Variants in CTTNBP2NL observed in about 807,000 individuals in gnomAD.
CTTNBP2NL encodes the protein CTTNBP2 N-terminal-like protein.
In CTTNBP2NL, 16 loss-of-function variants were observed where a neutral mutation model predicts 32.5. That is an observed-to-expected ratio of 0.49 (90% CI 0.33 to 0.75). The LOEUF (loss-of-function observed/expected upper bound fraction) is 0.75, where lower values mean the gene tolerates loss of function less well. CTTNBP2NL is among the 30% of genes least tolerant of loss of function. The pLI, the probability that CTTNBP2NL is intolerant of heterozygous loss-of-function variation, is 0.02. For missense variants in CTTNBP2NL, 645 were observed against 756.0 expected (o/e 0.85, Z 1.72); for synonymous variants, 298 against 289.4 (o/e 1.03, Z -0.30).
intron 3 of CTTNBP2NL, among the ~76,000 whole-genome samples, chr1:112,425,782 G>A (rs960804587): frequency 1.3e-5 from 2 of 151,952 alleles, no homozygotes; most frequent in Non-Finnish European, 1.5e-5. Context: ...AGACTTGATC[G>A]AATTAATGAG....
intron 4 of CTTNBP2NL, among the ~76,000 whole-genome samples, chr1:112,450,813 C>G (rs1650194947): frequency 7.0e-6 from 1 of 143,776 alleles, no homozygotes; most frequent in Non-Finnish European, 1.5e-5. Flanking sequence ...GTCACCCAGG[C>G]TGGAGTGCAG....
At chr1:112,448,312 A>G (rs1650115158) in intron 3 of CTTNBP2NL, among the ~76,000 whole-genome samples, 1 of 152,220 alleles carries the variant, frequency 6.6e-6, no homozygotes, top group South Asian at 2.1e-4. Flanking sequence ...TCAACAACTG[A>G]GTAATGGTTC....
At chr1:112,434,554 A>T (rs113422978) in intron 3 of CTTNBP2NL, among the ~76,000 whole-genome samples, 3 of 152,098 alleles carry the variant, frequency 2.0e-5, no homozygotes, top group Non-Finnish European at 4.4e-5. Context: ...TACTCATCTT[A>T]TATCCTAGAT....
At chr1:112,399,588 G>A (rs185559888) in intron 1 of CTTNBP2NL, among the ~76,000 whole-genome samples, 20 of 152,152 alleles carry the variant, frequency 1.3e-4, no homozygotes, top group African/African-American at 3.6e-4. Context: ...GATTTGCAGC[G>A]TAGGATTTGA....
At chr1:112,443,439 C>A (rs1019200167) in intron 3 of CTTNBP2NL, among the ~76,000 whole-genome samples, 19 of 152,302 alleles carry the variant, frequency 1.2e-4, no homozygotes, top group Non-Finnish European at 2.6e-4. Context: ...GTCTTGAACT[C>A]CTCACCTGAA....
chr1:112,439,541 A>G (rs1400615087), intron 3 of CTTNBP2NL, among the ~76,000 whole-genome samples: 1 of 152,164 alleles, frequency 6.6e-6, no homozygotes, highest in Non-Finnish European at 1.5e-5. Flanking sequence ...ATATCCTTTC[A>G]CATCTTGTTT....
chr1:112,450,893 G>A (rs1650196382), intron 4 of CTTNBP2NL, among the ~76,000 whole-genome samples: 2 of 151,006 alleles, frequency 1.3e-5, no homozygotes, highest in Non-Finnish European at 2.9e-5. Flanking sequence ...CAAAGTAGAA[G>A]ACTGACTTTG....
At chr1:112,450,819 TG>T (rs1184662202) in intron 4 of CTTNBP2NL, among the ~76,000 whole-genome samples, 2 of 147,112 alleles carry the variant, frequency 1.4e-5, no homozygotes, top group Non-Finnish European at 1.5e-5. Context: ...CAGGCTGGAG[TG>T]CAGTGGTACA....
rs529090796 is a variant in CTTNBP2NL at position 112,410,703 on chromosome 1, G to C, written c.-133-1491G>C. ...TTGGAAGGAATTAGCTGAGCATTTA[G>C]TTGAAATGATCTTGCTCTTCGGAGT... On this transcript the variant is annotated intron_variant, in intron 1 of 5. Coordinates refer to ENST00000271277, the MANE Select transcript of CTTNBP2NL (RefSeq NM_018704.3). Among the ~76,000 whole-genome samples, 95 of 152,318 alleles carry C rather than the reference G, an allele frequency of 6.2e-4. 1 individual carries two copies. In the Middle Eastern group the frequency reaches 0.01, roughly 16 times the overall value.
intron 1 of CTTNBP2NL, among the ~76,000 whole-genome samples, chr1:112,401,769 C>A (rs957740706): frequency 6.6e-6 from 1 of 152,076 alleles, no homozygotes; most frequent in African/African-American, 2.4e-5. Context: ...TAATGCAATG[C>A]GCTGTAATAT....
chr1:112,411,738 A>C (rs1271662205), intron 1 of CTTNBP2NL, among the ~76,000 whole-genome samples: 1 of 150,736 alleles, frequency 6.6e-6, no homozygotes, highest in Non-Finnish European at 1.5e-5. Context: ...GCTGGAGTGC[A>C]GTGGCACAAT....
At chr1:112,437,776 G>A (rs1425315811) in intron 3 of CTTNBP2NL, among the ~76,000 whole-genome samples, 1 of 152,172 alleles carries the variant, frequency 6.6e-6, no homozygotes, top group East Asian at 1.9e-4. Flanking sequence ...GCCTGCCTCA[G>A]CCTCCCAAAG....
Position 112,457,175 on chromosome 1 carries a change from CCT to C in CTTNBP2NL, c.1684_1685del (p.Leu562ValfsTer13), listed in dbSNP as rs765076412. 2 of 1,614,190 alleles carry C rather than the reference CCT, an allele frequency of 1.2e-6. No homozygotes were observed. The highest frequency in any genetic ancestry group is 1.7e-6 in the Non-Finnish European group (2 of 1,180,032). On this transcript the variant is annotated frameshift_variant, in exon 6 of 6. Transcript: ENST00000271277. LOFTEE classifies it high-confidence loss of function. ...GGAAAGTGTCCAGTCCCCTGAGCCC[CCT>C]GTCTCCAGGAATCAAGTCCCCAACC... ...PGKVSSPLSP[L>X]SPGIKSPTIP... is the part of the protein sequence containing the mutation.
chr1:112,424,522 A>T (rs1415926323), intron 3 of CTTNBP2NL, among the ~76,000 whole-genome samples: 1 of 152,168 alleles, frequency 6.6e-6, no homozygotes, highest in Non-Finnish European at 1.5e-5. Flanking sequence ...GCATTTCCAT[A>T]TGAATAGAAT....
chr1:112,452,697 A>G (rs1650259915), intron 4 of CTTNBP2NL, among the ~76,000 whole-genome samples: 1 of 148,762 alleles, frequency 6.7e-6, no homozygotes, highest in Non-Finnish European at 1.5e-5. Flanking sequence ...CTGGAGTGCA[A>G]CGGCATAATC....
rs749088128 is a variant in CTTNBP2NL, at chr1:112,449,176, G to C, written c.330+4G>C. ...TGCTGAGAGCAGGCACCGAAAGGTA[G>C]GTTCACCTCAGTTGATGTGTAAATC... On this transcript the variant is annotated splice_donor_region_variant and intron_variant, in intron 4 of 5. Coordinates refer to ENST00000271277, the MANE Select transcript of CTTNBP2NL (RefSeq NM_018704.3). 7.7e-6 allele frequency: 12 copies of C among 1,551,520 alleles called. No homozygotes were observed. The Admixed American group carries it at 1.3e-4, about 17-fold the overall frequency.
intron 1 of CTTNBP2NL, among the ~76,000 whole-genome samples, chr1:112,403,499 A>T (rs183909957): frequency 1.2e-4 from 19 of 152,358 alleles, no homozygotes; most frequent in African/African-American, 3.4e-4. Context: ...CAGAAGACAG[A>T]TATGTAAACA....
chr1:112,400,426 C>T (rs1003239189), intron 1 of CTTNBP2NL, among the ~76,000 whole-genome samples: 8 of 152,112 alleles, frequency 5.3e-5, no homozygotes, highest in Non-Finnish European at 4.4e-5. Context: ...TTTTGGAGGC[C>T]GAAGCGGGTG....
chr1:112,432,213 A>G (rs1649586511), intron 3 of CTTNBP2NL, among the ~76,000 whole-genome samples: 1 of 151,540 alleles, frequency 6.6e-6, no homozygotes, highest in South Asian at 2.1e-4. Flanking sequence ...AGCTGGGACT[A>G]CAGGCGCCCG....
Sources: gnomAD v4.1 joint callset for allele counts (sites outside exome capture counted in the v4.1 genomes callset) on GRCh38, gnomAD v4.1.1 for gene constraint, MANE v1.5 for transcripts, NCBI Gene and HGNC (gene_info 2026-07-23, HGNC 2026-07-21) for gene names.